The following SAMD5 variants were observed in gnomAD, a reference collection of about 807,000 sequenced individuals.
SAMD5 encodes the protein sterile alpha motif domain-containing protein 5.
In SAMD5, 13 loss-of-function variants were observed where a neutral mutation model predicts 11.3. The observed-to-expected ratio is 1.15, with a 90% CI of 0.75 to 1.83. The LOEUF (loss-of-function observed/expected upper bound fraction) is 1.83. Among genes scored for constraint, SAMD5 ranks in the 40% most tolerant of loss-of-function variants. The probability of loss-of-function intolerance (pLI) is 0.00; values close to 1 mark genes in which losing one functional copy is unlikely to be tolerated. For synonymous variants in SAMD5, 129 were observed against 111.3 expected (o/e 1.16, Z -1.00); for missense variants, 255 against 239.1 (o/e 1.07, Z -0.44).
the SAMD5 span, among the ~76,000 whole-genome samples, chr6:147,812,489 C>T: frequency 1.3e-5 from 2 of 151,936 alleles, no homozygotes; most frequent in Admixed American, 6.6e-5. Flanking sequence ...AATGCGAGCC[C>T]AGTCATACCA....
chr6:147,758,387 G>C, the SAMD5 span, among the ~76,000 whole-genome samples: 4 of 152,180 alleles, frequency 2.6e-5, no homozygotes, highest in South Asian at 2.1e-4. Flanking sequence ...ATTGCATGTG[G>C]TCATAAATCA....
At chr6:147,875,426 G>A in the SAMD5 span, among the ~76,000 whole-genome samples, 24 of 152,256 alleles carry the variant, frequency 1.6e-4, no homozygotes, top group South Asian at 4.4e-3. Context: ...CCTCTAGTAT[G>A]CATTGAAGTC....
the SAMD5 span, among the ~76,000 whole-genome samples, chr6:147,922,450 T>G: frequency 6.6e-6 from 1 of 152,210 alleles, no homozygotes; most frequent in African/African-American, 2.4e-5. Flanking sequence ...GAAAAATTTC[T>G]CTTGTTTTAA....
intron 1 of SAMD5, among the ~76,000 whole-genome samples, chr6:147,547,198 T>C (rs1375923545): frequency 2.0e-5 from 3 of 152,234 alleles, no homozygotes; most frequent in Non-Finnish European, 4.4e-5. Context: ...TAGTTTTCTA[T>C]TGCTGCATAA....
chr6:147,816,944 G>A, the SAMD5 span, among the ~76,000 whole-genome samples: 1 of 149,286 alleles, frequency 6.7e-6, no homozygotes, highest in Non-Finnish European at 1.5e-5. Flanking sequence ...GAGACATGTA[G>A]AAAAAAAAAA....
chr6:147,863,298 T>C, the SAMD5 span, among the ~76,000 whole-genome samples: 1 of 152,148 alleles, frequency 6.6e-6, no homozygotes, highest in African/African-American at 2.4e-5. Context: ...CTTTTTAGAA[T>C]TGAGTCACAT....
chr6:147,802,675 A>G, the SAMD5 span, among the ~76,000 whole-genome samples: 1 of 151,472 alleles, frequency 6.6e-6, no homozygotes, highest in Non-Finnish European at 1.5e-5. Context: ...GAGAATGTAT[A>G]AACACATTGC....
intron 1 of SAMD5, among the ~76,000 whole-genome samples, chr6:147,548,643 C>T (rs1462131616): frequency 2.6e-5 from 4 of 152,302 alleles, no homozygotes; most frequent in Non-Finnish European, 1.5e-5. Context: ...AAGGTATCCT[C>T]TATGCCTTTT....
the SAMD5 span, among the ~76,000 whole-genome samples, chr6:147,753,729 G>A: frequency 6.6e-6 from 1 of 150,464 alleles, no homozygotes; most frequent in African/African-American, 2.5e-5. Context: ...CCCAGCCTCT[G>A]TAACCATCTT....
intron 1 of SAMD5, among the ~76,000 whole-genome samples, chr6:147,734,432 C>T (rs767154609): frequency 2.6e-5 from 4 of 151,838 alleles, no homozygotes; most frequent in Non-Finnish European, 5.9e-5. Context: ...ATTTAGAGAC[C>T]CAGACCGGGC....
the SAMD5 span, among the ~76,000 whole-genome samples, chr6:147,787,028 G>A: frequency 3.9e-5 from 6 of 152,304 alleles, no homozygotes; most frequent in East Asian, 7.7e-4. Flanking sequence ...TTTATGACAG[G>A]AAGTCTATAA....
chr6:147,779,199 T>C, the SAMD5 span, among the ~76,000 whole-genome samples: 1 of 152,170 alleles, frequency 6.6e-6, no homozygotes, highest in African/African-American at 2.4e-5. Context: ...TGGCTACTTT[T>C]AATTTTATAG....
chr6:147,619,486 T>C (rs990180189), intron 1 of SAMD5, among the ~76,000 whole-genome samples: 31 of 152,208 alleles, frequency 2.0e-4, no homozygotes, highest in Admixed American at 1.3e-4. Flanking sequence ...ATGTGGATAC[T>C]TGTGAGGATA....
chr6:147,897,503 T>C, the SAMD5 span, among the ~76,000 whole-genome samples: 2 of 152,092 alleles, frequency 1.3e-5, no homozygotes, highest in African/African-American at 4.8e-5. Context: ...CTGGAAATCA[T>C]GGTGTGGTGG....
chr6:147,673,351 C>G (rs1052005010), intron 1 of SAMD5, among the ~76,000 whole-genome samples: 2 of 151,918 alleles, frequency 1.3e-5, no homozygotes, highest in African/African-American at 4.8e-5. Flanking sequence ...GTAGCTGGGA[C>G]TACAGGTGCC....
chr6:147,910,405 A>G, the SAMD5 span, among the ~76,000 whole-genome samples: 1 of 152,112 alleles, frequency 6.6e-6, no homozygotes, highest in African/African-American at 2.4e-5. Context: ...AACTGGGACT[A>G]TATCTCTGCT....
At chr6:147,817,690 C>G in the SAMD5 span, among the ~76,000 whole-genome samples, 1 of 152,148 alleles carries the variant, frequency 6.6e-6, no homozygotes, top group Non-Finnish European at 1.5e-5. Context: ...TCCATGGGAG[C>G]CTGAGTTTTA....
At chr6:147,846,159 A>G in the SAMD5 span, among the ~76,000 whole-genome samples, 1 of 152,176 alleles carries the variant, frequency 6.6e-6, no homozygotes, top group Admixed American at 6.6e-5. Context: ...TGACACTTGT[A>G]TTTCTATAAT....
chr6:147,682,645 A>G (rs1790955814), intron 1 of SAMD5, among the ~76,000 whole-genome samples: 1 of 152,240 alleles, frequency 6.6e-6, no homozygotes, highest in Admixed American at 6.5e-5. Context: ...AAAAATCAAA[A>G]TTATAGGCTG....
Sources: gnomAD v4.1 joint callset for allele counts (sites outside exome capture counted in the v4.1 genomes callset) on GRCh38, gnomAD v4.1.1 for gene constraint, MANE v1.5 for transcripts, NCBI Gene and HGNC (gene_info 2026-07-23, HGNC 2026-07-21) for gene names.